The following AHI1 variants were observed in gnomAD, a reference collection of about 807,000 sequenced individuals.
AHI1 encodes Abelson helper integration site 1.
In AHI1, 123 loss-of-function variants were observed where a neutral mutation model predicts 149.3. The observed-to-expected ratio is 0.82, with a 90% CI of 0.71 to 0.96. The LOEUF is 0.96. Among genes scored for constraint, AHI1 ranks in the 40% least tolerant of loss-of-function variants. The pLI, the probability that AHI1 is intolerant of heterozygous loss-of-function variation, is 0.00. For synonymous variants in AHI1, 475 were observed against 459.8 expected, an observed-to-expected ratio of 1.03 and a Z score of -0.42; for missense variants, 1,439 against 1,422.7, an observed-to-expected ratio of 1.01 and a Z score of -0.18.
At chr6:135,475,677 T>C (rs1057121748) in intron 5 of AHI1, among the ~76,000 whole-genome samples, 10 of 152,198 alleles carry the variant, frequency 6.6e-5, no homozygotes, top group Non-Finnish European at 1.3e-4. Flanking sequence ...TTTTGTCACA[T>C]GTTGTTGGAG....
chr6:135,414,971 AC>A (rs1419549860), intron 20 of AHI1, among the ~76,000 whole-genome samples: 1 of 35,284 alleles, frequency 2.8e-5, no homozygotes, highest in Non-Finnish European at 5.2e-5. Flanking sequence ...CCCTCCCCCC[AC>A]CCCACAACAG....
intron 23 of AHI1, among the ~76,000 whole-genome samples, chr6:135,367,984 T>C (rs1223346998): frequency 6.6e-6 from 1 of 152,200 alleles, no homozygotes; most frequent in Non-Finnish European, 1.5e-5. Flanking sequence ...GTAGATTATG[T>C]CAGAGGGGAA....
At position 135,427,334 on chromosome 6, in the gene AHI1, G is replaced by GA; in HGVS notation, c.2624-28_2624-27insT. 1.9e-6 allele frequency: 3 copies of GA among 1,587,962 alleles called. No homozygotes were observed. In the South Asian group the frequency reaches 3.4e-5, roughly 18 times the overall value. ...TAAATAAAAAGAGAGATTCAAAAAT[G>GA]TATATCAGAGCATATCTGTATCGAT... is the stretch of plus-strand genomic sequence containing the variant. On this transcript the variant is annotated intron_variant, in intron 19 of 28. Coordinates refer to ENST00000265602, the MANE Select transcript of AHI1 (RefSeq NM_001134831.2).
chr6:135,390,885 T>A (rs930235025), intron 23 of AHI1, among the ~76,000 whole-genome samples: 1 of 152,238 alleles, frequency 6.6e-6, no homozygotes, highest in Non-Finnish European at 1.5e-5. Flanking sequence ...TTTCATAGAT[T>A]TTCTTCATTA....
intron 23 of AHI1, among the ~76,000 whole-genome samples, chr6:135,363,988 A>G (rs1582832311): frequency 7.3e-6 from 1 of 137,188 alleles, no homozygotes; most frequent in South Asian, 2.4e-4. Flanking sequence ...GGCCGGGCAG[A>G]GGGGCTCCTC....
At chr6:135,464,414 T>C (rs1790413681) in intron 7 of AHI1, among the ~76,000 whole-genome samples, 1 of 152,204 alleles carries the variant, frequency 6.6e-6, no homozygotes, top group Admixed American at 6.5e-5. Flanking sequence ...GGAAGATTTA[T>C]AGTATACTAT....
intron 27 of AHI1, among the ~76,000 whole-genome samples, chr6:135,294,989 A>G (rs953388159): frequency 5.3e-5 from 8 of 152,222 alleles, no homozygotes; most frequent in African/African-American, 1.7e-4. Context: ...AAGAATAAAA[A>G]GGCAAAACAC....
rs1562237315 is a variant in AHI1, at chr6:135,465,336, AG to A, written c.749+477del. ...TAAGCATCATATAGAGAAAAAGATT[AG>A]AATACCAAATTGCCAATAGTGATTA... On this transcript the variant is annotated intron_variant, in intron 7 of 28. Coordinates refer to ENST00000265602, the MANE Select transcript of AHI1 (RefSeq NM_001134831.2). Among the ~76,000 whole-genome samples the A allele has an allele frequency of 1.4e-4, 22 of 152,376 alleles. 1 individual carries two copies. In the South Asian group the frequency reaches 4.3e-3, roughly 30 times the overall value.
At chr6:135,343,145 A>T (rs1254430129) in intron 24 of AHI1, among the ~76,000 whole-genome samples, 5 of 151,868 alleles carry the variant, frequency 3.3e-5, no homozygotes. Flanking sequence ...GTCTTTCTAT[A>T]CCCAAGCAAC....
intron 5 of AHI1, among the ~76,000 whole-genome samples, chr6:135,482,934 T>C (rs1414920925): frequency 4.3e-5 from 5 of 116,746 alleles, no homozygotes; most frequent in Non-Finnish European, 7.0e-5. Flanking sequence ...CTCTGTCACC[T>C]GAGCTGGAGT....
intron 5 of AHI1, among the ~76,000 whole-genome samples, chr6:135,472,238 C>A (rs542337426): frequency 6.6e-6 from 1 of 152,146 alleles, no homozygotes; most frequent in African/African-American, 2.4e-5. Context: ...GATCTGGTAT[C>A]ACAATAGCTT....
At chr6:135,443,372 T>C (rs1210160227) in intron 13 of AHI1, among the ~76,000 whole-genome samples, 1 of 152,224 alleles carries the variant, frequency 6.6e-6, no homozygotes, top group African/African-American at 2.4e-5. Flanking sequence ...ATTCTATCTC[T>C]TGCAACCTTC....
At chr6:135,343,813 TGA>T (rs968570638) in intron 24 of AHI1, among the ~76,000 whole-genome samples, 4 of 151,914 alleles carry the variant, frequency 2.6e-5, no homozygotes, top group African/African-American at 9.7e-5. Context: ...TAAGAAAATC[TGA>T]GAGTCAATCT....
intron 23 of AHI1, among the ~76,000 whole-genome samples, chr6:135,374,100 ATATATATATTTTT>A (rs1172212836): frequency 3.4e-3 from 169 of 49,156 alleles, no homozygotes; most frequent in African/African-American, 0.013. Flanking sequence ...ATATATATAT[ATATATATATTTTT>A]TTTTTTTTTT....
intron 13 of AHI1, among the ~76,000 whole-genome samples, chr6:135,446,210 C>G (rs1205646572): frequency 6.6e-6 from 1 of 152,164 alleles, no homozygotes; most frequent in Non-Finnish European, 1.5e-5. Flanking sequence ...GCTCTAACCC[C>G]TAACACCTCA....
At chr6:135,359,471 G>T (rs905911145) in intron 23 of AHI1, among the ~76,000 whole-genome samples, 4 of 152,162 alleles carry the variant, frequency 2.6e-5, no homozygotes, top group African/African-American at 4.8e-5. Context: ...CTTATTCATA[G>T]AGTAACACCA....
rs367602965 is a variant in AHI1, at chr6:135,328,343, C to G, written c.3166-5019G>C. Among the ~76,000 whole-genome samples the G allele has an allele frequency of 7.9e-5, 12 of 152,200 alleles. 1 individual carries two copies. The highest frequency in any genetic ancestry group is 1.9e-4 in the East Asian group (1 of 5,188). ...GCAAGTCTATCAAGGCCATTTTTTT[C>G]CAACAGCATGTGCTTACTTGTGTCT... On this transcript the variant is annotated intron_variant, in intron 24 of 28. Transcript: ENST00000265602.
intron 23 of AHI1, among the ~76,000 whole-genome samples, chr6:135,364,970 T>C (rs988613720): frequency 3.3e-5 from 5 of 151,802 alleles, no homozygotes; most frequent in Admixed American, 1.3e-4. Flanking sequence ...CGGGAGCGTC[T>C]TTCATCCATC....
chr6:135,298,676 C>T (rs1297718565), intron 27 of AHI1, among the ~76,000 whole-genome samples: 1 of 152,020 alleles, frequency 6.6e-6, no homozygotes, highest in Non-Finnish European at 1.5e-5. Flanking sequence ...TGAACTTGGG[C>T]ATTTAGACAT....
Sources: allele counts gnomAD v4.1 joint callset (sites outside exome capture counted in the v4.1 genomes callset), GRCh38; gene constraint gnomAD v4.1.1; transcripts MANE v1.5; gene names NCBI Gene and HGNC (gene_info 2026-07-23, HGNC 2026-07-21).